Variants in ELN observed in about 807,000 individuals in gnomAD.
ELN encodes tropoelastin.
A neutral mutation model predicts 105.8 loss-of-function variants in ELN; 65 were observed. The ratio of observed to expected loss-of-function variants is 0.61; its 90% confidence interval spans 0.50 to 0.75. The LOEUF (loss-of-function observed/expected upper bound fraction) is 0.75. ELN is among the 30% of genes least tolerant of loss of function. The pLI is 0.00. For missense variants in ELN, 882 were observed against 969.4 expected (o/e 0.91, Z 1.20); for synonymous variants, 368 against 389.2 (o/e 0.95, Z 0.64).
intron 17 of ELN, chr7:74,052,466 T>G: frequency 4.7e-6 from 1 of 210,914 alleles, no homozygotes. Context: ...ATGCCTGTGG[T>G]CCCAGCCACC....
At chr7:74,066,419 A>G (rs1271738773) in intron 31 of ELN, among the ~76,000 whole-genome samples, 1 of 151,642 alleles carries the variant, frequency 6.6e-6, no homozygotes, top group African/African-American at 2.4e-5. Context: ...AAAATGCAAA[A>G]ATTAGCCAAA....
chr7:74,067,988 C>A (rs955098256), intron 32 of ELN, among the ~76,000 whole-genome samples: 1 of 151,398 alleles, frequency 6.6e-6, no homozygotes, highest in Non-Finnish European at 1.5e-5. Context: ...CTGTTCCTGC[C>A]CCACTCTCTG....
chr7:74,042,517 T>C, intron 5 of ELN, 97 bp from the exon 6 acceptor site: 2 of 1,031,346 alleles, frequency 1.9e-6, no homozygotes, highest in Non-Finnish European at 3.0e-6. Flanking sequence ...GAGCCTCCAA[T>C]GTGCTTCCTG....
At chr7:74,038,646 C>T (rs1161537795) in intron 4 of ELN, among the ~76,000 whole-genome samples, 1 of 152,228 alleles carries the variant, frequency 6.6e-6, no homozygotes, top group African/African-American at 2.4e-5. Context: ...GATGGTCCCT[C>T]GGCATGAGAC....
At chr7:74,066,555 A>G (rs1554689390) in intron 31 of ELN, among the ~76,000 whole-genome samples, 177 bp from the exon 32 acceptor site, 1 of 152,148 alleles carries the variant, frequency 6.6e-6, no homozygotes, top group South Asian at 2.1e-4. Context: ...TGACAGAGCA[A>G]GACCCCATCT....
intron 8 of ELN, chr7:74,043,466 C>G: frequency 4.3e-6 from 3 of 693,980 alleles, no homozygotes; most frequent in Non-Finnish European, 7.9e-6. Context: ...TGTGGAAGGG[C>G]CTGCAGCGAG....
chr7:74,044,738 G>A (rs185807474), intron 9 of ELN, among the ~76,000 whole-genome samples: 4 of 152,288 alleles, frequency 2.6e-5, no homozygotes, highest in South Asian at 2.1e-4. Flanking sequence ...CCCCCACTAC[G>A]CTGAAAGCCA....
chr7:74,039,754 G>A (rs1350543598), intron 4 of ELN, among the ~76,000 whole-genome samples: 2 of 152,244 alleles, frequency 1.3e-5, no homozygotes, highest in Non-Finnish European at 2.9e-5. Flanking sequence ...GCACAACTAG[G>A]TGCTTTCTGC....
chr7:74,051,667 A>G, intron 15 of ELN, 83 bp from the exon 16 acceptor site: 1 of 1,525,688 alleles, frequency 6.6e-7, no homozygotes, highest in Non-Finnish European at 9.0e-7. Context: ...ACACTGGTGA[A>G]AACGCCGGCG....
intron 2 of ELN, chr7:74,035,624 C>A: frequency 1.5e-6 from 1 of 658,338 alleles, no homozygotes; most frequent in Non-Finnish European, 2.7e-6. Flanking sequence ...AATCTCAACA[C>A]TCTGGGAGGC....
At chr7:74,037,828 A>AATGGGACAAGGAAACTT in intron 4 of ELN, 89 bp downstream of exon 4, 2 of 1,555,406 alleles carry the variant, frequency 1.3e-6, no homozygotes, top group South Asian at 2.3e-5. Context: ...CAAGGAAACT[A>AATGGGACAAGGAAACTT]GGAACAGGAC....
rs782644138 is a variant in ELN at position 74,042,605 on chromosome 7, C to T, written c.233-9C>T. ...AGCTCAGGACCTCACCCCATCCTCC[C>T]CTCCGCAGGGCTCGGCGCCTTCCCC... On this transcript the variant is annotated splice_polypyrimidine_tract_variant and intron_variant, in intron 5 of 32. Transcript: ENST00000252034. The T allele has an allele frequency of 4.3e-6, 7 of 1,612,590 alleles. No homozygotes were observed. The highest frequency in any genetic ancestry group is 5.1e-6 in the Non-Finnish European group (6 of 1,179,904).
intron 17 of ELN, chr7:74,052,850 G>A (rs1293572747): frequency 1.3e-5 from 5 of 384,164 alleles, no homozygotes; most frequent in South Asian, 5.7e-5. Flanking sequence ...AGAGAGAGAG[G>A]GAGGGAGAGA....
At chr7:74,045,927 T>A in intron 10 of ELN, 1 of 515,596 alleles carries the variant, frequency 1.9e-6, no homozygotes, top group African/African-American at 1.9e-5. Context: ...CCCAGCTACT[T>A]GGGAGGCTGA....
chr7:74,065,645 G>A, intron 29 of ELN, 49 bp from the exon 30 acceptor site: 1 of 1,541,816 alleles, frequency 6.5e-7, no homozygotes, highest in Non-Finnish European at 8.9e-7. Context: ...GACAGGGCCT[G>A]ACAGGTGGCA....
chr7:74,038,252 T>G (rs918908443), intron 4 of ELN, among the ~76,000 whole-genome samples: 2 of 152,168 alleles, frequency 1.3e-5, no homozygotes, highest in African/African-American at 2.4e-5. Flanking sequence ...AGCACTGGTC[T>G]CAAGCCAAAG....
At chr7:74,043,771 C>T (rs1181834356) in intron 8 of ELN, 108 bp from the exon 9 acceptor site, 7 of 1,451,152 alleles carry the variant, frequency 4.8e-6, no homozygotes, top group Non-Finnish European at 6.7e-6. Flanking sequence ...CTGTCGGGCA[C>T]AGAGGCTGTG....
chr7:74,045,690 C>A, intron 10 of ELN: 1 of 347,410 alleles, frequency 2.9e-6, no homozygotes, highest in South Asian at 2.5e-5. Flanking sequence ...TTGTCGTGAG[C>A]TATGATCACA....
At chr7:74,044,982 CTG>C (rs782105375) in intron 9 of ELN, among the ~76,000 whole-genome samples, 9 of 152,140 alleles carry the variant, frequency 5.9e-5, no homozygotes, top group Non-Finnish European at 1.3e-4. Context: ...ATGAGGCTGA[CTG>C]AGGCACCAGC....
Sources: allele counts gnomAD v4.1 joint callset (sites outside exome capture counted in the v4.1 genomes callset), GRCh38; gene constraint gnomAD v4.1.1; transcripts MANE v1.5; gene names NCBI Gene and HGNC (gene_info 2026-07-23, HGNC 2026-07-21).